EIF4G3: variants seen among roughly 807,000 people sequenced by gnomAD.
The protein encoded by EIF4G3 is eukaryotic translation initiation factor 4 gamma 3.
EIF4G3 carries 34 observed loss-of-function variants against 186.4 expected under a neutral mutation model. The observed-to-expected ratio is 0.18, with a 90% confidence interval of 0.14 to 0.24. The LOEUF (loss-of-function observed/expected upper bound fraction) is 0.24. EIF4G3 is among the 10% of genes least tolerant of loss of function. The pLI is 1.00. For missense variants in EIF4G3, 1,536 were observed against 1,948.5 expected (o/e 0.79, Z 3.99); for synonymous variants, 673 against 679.5 (o/e 0.99, Z 0.15).
chr1:21,105,113 T>C (rs886610900), intron 2 of EIF4G3, among the ~76,000 whole-genome samples: 9 of 152,166 alleles, frequency 5.9e-5, no homozygotes, highest in African/African-American at 2.2e-4. Flanking sequence ...ACTATGCTTA[T>C]TACCTGGGTG....
intron 23 of EIF4G3, among the ~76,000 whole-genome samples, chr1:20,861,366 C>A (rs1250281985): frequency 6.6e-6 from 1 of 151,474 alleles, no homozygotes; most frequent in Non-Finnish European, 1.5e-5. Context: ...AAAACTGCAC[C>A]CGGTAAGAGA....
intron 36 of EIF4G3, among the ~76,000 whole-genome samples, chr1:20,809,999 C>T (rs1481583002): frequency 2.7e-5 from 4 of 150,642 alleles, no homozygotes; most frequent in Middle Eastern, 3.4e-3. Flanking sequence ...TGGACAGAGT[C>T]TTGCTCTGTT....
At chr1:20,952,022 G>A (rs1258750415) in intron 12 of EIF4G3, among the ~76,000 whole-genome samples, 1 of 152,132 alleles carries the variant, frequency 6.6e-6, no homozygotes, top group Non-Finnish European at 1.5e-5. Flanking sequence ...CACAAATGCT[G>A]GGAAAGTACT....
At chr1:20,988,076 A>G (rs1266599855) in intron 7 of EIF4G3, among the ~76,000 whole-genome samples, 3 of 152,244 alleles carry the variant, frequency 2.0e-5, no homozygotes, top group Non-Finnish European at 4.4e-5. Flanking sequence ...AATCCAAAGC[A>G]AAGTCCTAAC....
chr1:20,897,059 A>G (rs1572377364), intron 16 of EIF4G3, among the ~76,000 whole-genome samples: 2 of 152,336 alleles, frequency 1.3e-5, no homozygotes, highest in South Asian at 2.1e-4. Flanking sequence ...TACATTCCCT[A>G]AGAGTACAAA....
chr1:20,896,435 CAAAAAA>C (rs201025308), intron 16 of EIF4G3, among the ~76,000 whole-genome samples: 27 of 54,728 alleles, frequency 4.9e-4, no homozygotes, highest in Admixed American at 3.3e-3. Flanking sequence ...GATTCTATCT[CAAAAAA>C]AAAAAAAAAA....
intron 32 of EIF4G3, among the ~76,000 whole-genome samples, chr1:20,827,325 A>ATT (rs1246614863): frequency 1.3e-5 from 2 of 152,248 alleles, no homozygotes; most frequent in Non-Finnish European, 2.9e-5. Context: ...CTATTAAAAC[A>ATT]TATAAATGAT....
chr1:20,822,413 G>A (rs916272349), intron 33 of EIF4G3, among the ~76,000 whole-genome samples: 2 of 136,476 alleles, frequency 1.5e-5, no homozygotes, highest in Non-Finnish European at 3.0e-5. Context: ...TGTCCAGGCT[G>A]GAGTGCAATG....
chr1:21,001,939 T>C (rs1306284338), intron 5 of EIF4G3, among the ~76,000 whole-genome samples: 1 of 152,176 alleles, frequency 6.6e-6, no homozygotes, highest in East Asian at 1.9e-4. Flanking sequence ...CCCTGAATTC[T>C]GAAGAATACA....
chr1:20,901,370 G>T (rs1277090924), intron 15 of EIF4G3, among the ~76,000 whole-genome samples: 2 of 151,902 alleles, frequency 1.3e-5, no homozygotes, highest in Non-Finnish European at 2.9e-5. Flanking sequence ...TTAAGTACAG[G>T]TCATCAAGAA....
intron 15 of EIF4G3, among the ~76,000 whole-genome samples, chr1:20,901,531 C>T (rs2090287302): frequency 6.6e-6 from 1 of 152,070 alleles, no homozygotes; most frequent in Admixed American, 6.6e-5. Flanking sequence ...ATCCTCTTCT[C>T]TGTACCTACA....
At chr1:21,053,845 T>A (rs2094429976) in intron 3 of EIF4G3, among the ~76,000 whole-genome samples, 1 of 141,408 alleles carries the variant, frequency 7.1e-6, no homozygotes, top group Non-Finnish European at 1.6e-5. Flanking sequence ...GGGAGGGAGG[T>A]GGGGGGGTCA....
At chr1:21,094,626 T>TG (rs1306468583) in intron 2 of EIF4G3, among the ~76,000 whole-genome samples, 1 of 24,086 alleles carries the variant, frequency 4.2e-5, no homozygotes, top group Non-Finnish European at 7.9e-5. Flanking sequence ...TGTCGTGAGG[T>TG]GGGGGGAGGG....
chr1:20,955,727 T>C (rs962925387), intron 12 of EIF4G3, among the ~76,000 whole-genome samples: 4 of 152,162 alleles, frequency 2.6e-5, no homozygotes, highest in African/African-American at 9.7e-5. Flanking sequence ...ATTAGGTAAC[T>C]GATGACACAT....
intron 4 of EIF4G3, among the ~76,000 whole-genome samples, chr1:21,027,213 G>C (rs959058901): frequency 2.4e-5 from 3 of 124,380 alleles, no homozygotes; most frequent in African/African-American, 8.9e-5. Context: ...TTTTTTTTGA[G>C]ACAGAGTCTC....
chr1:21,121,925 C>CTA (rs1174951653), intron 2 of EIF4G3, among the ~76,000 whole-genome samples: 1 of 152,092 alleles, frequency 6.6e-6, no homozygotes, highest in East Asian at 1.9e-4. Flanking sequence ...TTCAAAACAG[C>CTA]CTGTAAGGTA....
At chr1:20,993,409 T>C (rs922160906) in intron 7 of EIF4G3, among the ~76,000 whole-genome samples, 1 of 149,942 alleles carries the variant, frequency 6.7e-6, no homozygotes, top group Non-Finnish European at 1.5e-5. Context: ...AGAAAAAATA[T>C]TTAAGTTCTA....
intron 6 of EIF4G3, among the ~76,000 whole-genome samples, chr1:21,000,215 T>A: frequency 6.6e-6 from 1 of 151,954 alleles, no homozygotes; most frequent in East Asian, 1.9e-4. Flanking sequence ...TTATTATTTT[T>A]AAAAAAGATT....
intron 4 of EIF4G3, among the ~76,000 whole-genome samples, chr1:21,015,576 C>T (rs1169457636): frequency 6.6e-6 from 1 of 152,008 alleles, no homozygotes; most frequent in Non-Finnish European, 1.5e-5. Context: ...CTGGGGAACA[C>T]AGCAAGAACC....
Sources: allele counts gnomAD v4.1 joint callset (sites outside exome capture counted in the v4.1 genomes callset), GRCh38; gene constraint gnomAD v4.1.1; transcripts MANE v1.5; gene names NCBI Gene and HGNC (gene_info 2026-07-23, HGNC 2026-07-21).